CALM2: variants seen among roughly 807,000 people sequenced by gnomAD.
CALM2 encodes the protein calmodulin-2.
A neutral mutation model predicts 19.8 loss-of-function variants in CALM2; 2 were observed. The observed-to-expected ratio is 0.10, with a 90% CI of 0.04 to 0.32. CALM2 has a LOEUF of 0.32. CALM2 is among the 10% of genes least tolerant of loss of function. The pLI, the probability that CALM2 is intolerant of heterozygous loss-of-function variation, is 1.00. For synonymous variants in CALM2, 51 were observed against 52.1 expected, an observed-to-expected ratio of 0.98 and a Z score of 0.09; for missense variants, 38 against 178.7, an observed-to-expected ratio of 0.21 and a Z score of 4.49.
intron 1 of CALM2, chr2:47,172,422 G>A (rs551625913): frequency 1.6e-5 from 12 of 746,144 alleles, no homozygotes; most frequent in Admixed American, 2.3e-5. Flanking sequence ...ACCTTGCAGG[G>A]TTGTTGTGCA....
intron 1 of CALM2, chr2:47,172,322 C>G: frequency 2.4e-6 from 1 of 425,324 alleles, no homozygotes; most frequent in Non-Finnish European, 4.8e-6. Context: ...GGCCAGTATC[C>G]CAGCCCTGCC....
rs912378943 is a variant in CALM2, at chr2:47,160,428, C to T, written c.*348G>A. On this transcript the variant is annotated 3_prime_UTR_variant, in exon 6 of 6. Coordinates refer to ENST00000272298, the MANE Select transcript of CALM2 (RefSeq NM_001743.6). ...GTCCACGCAGAGTTACAACTCCACA[C>T]TTCAACAACAACATGCTGACAGTTC... is the stretch of plus-strand genomic sequence containing the variant. The T allele has an allele frequency of 2.1e-5, 4 of 190,424 alleles. No homozygotes were observed. In the Admixed American group the frequency reaches 2.4e-4, roughly 12 times the overall value. 11.8% of individuals were successfully genotyped at this position (190,424 alleles called of 1,614,324 possible).
intron 1 of CALM2, among the ~76,000 whole-genome samples, chr2:47,175,081 G>GTTTTTTT (rs563702873): frequency 0.62 from 47,986 of 77,422 alleles, 15,633 homozygotes; most frequent in Middle Eastern, 0.81. Context: ...CTCATTAGGT[G>GTTTTTTT]TTTTTTTTTT....
intron 1 of CALM2, chr2:47,172,378 CA>C: frequency 1.8e-6 from 1 of 549,750 alleles, no homozygotes; most frequent in Non-Finnish European, 3.3e-6. Flanking sequence ...TCCTCTCAGT[CA>C]ACTTCATTTG....
At chr2:47,172,341 G>A (rs1666697914) in intron 1 of CALM2, 1 of 452,028 alleles carries the variant, frequency 2.2e-6, no homozygotes, top group Non-Finnish European at 4.5e-6. Context: ...CCATTTAATA[G>A]CTGTGTGACC....
At chr2:47,174,420 T>C (rs968583942) in intron 1 of CALM2, among the ~76,000 whole-genome samples, 2 of 152,024 alleles carry the variant, frequency 1.3e-5, no homozygotes, top group Non-Finnish European at 2.9e-5. Context: ...GTCCGGCTAA[T>C]TTTTTTTAAT....
In CALM2 at chr2:47,161,706, G is replaced by A. The variant is rs576033867; in HGVS notation, c.421+17C>T. 1.2e-6 allele frequency: 2 copies of A among 1,603,376 alleles called. No individual in the cohort carries two copies. Among genetic ancestry groups the A allele is most frequent in the Admixed American group, 3.4e-5 (2 of 58,544 alleles). ...AAAATCAAAGTGAAGAATGAGGCGT[G>A]AGACTGAAACATTTACCTTCATAGT... is the stretch of plus-strand genomic sequence containing the variant. On this transcript the variant is annotated intron_variant, in intron 5 of 5. Coordinates refer to ENST00000272298, the MANE Select transcript of CALM2 (RefSeq NM_001743.6).
intron 5 of CALM2, 36 bp downstream of exon 5, chr2:47,161,687 A>C (rs1396493824): frequency 6.3e-7 from 1 of 1,578,840 alleles, no homozygotes; most frequent in South Asian, 1.2e-5. Context: ...CTTAAAAATC[A>C]AAGTGAAGAA....
At chr2:47,161,918 A>T in intron 4 of CALM2, 60 bp from the exon 5 acceptor site, 1 of 1,401,604 alleles carries the variant, frequency 7.1e-7, no homozygotes, top group Non-Finnish European at 9.9e-7. Context: ...TTGGAATGGA[A>T]ATTTATTAAG....
At chr2:47,175,634 G>A (rs1032543915) in intron 1 of CALM2, among the ~76,000 whole-genome samples, 10 of 151,766 alleles carry the variant, frequency 6.6e-5, no homozygotes, top group Non-Finnish European at 1.2e-4. Context: ...CCCAGATGGA[G>A]AAGGAAGATT....
intron 2 of CALM2, among the ~76,000 whole-genome samples, chr2:47,165,491 G>A (rs115007173): frequency 6.6e-6 from 1 of 152,116 alleles, no homozygotes; most frequent in South Asian, 2.1e-4. Context: ...TCAAGATAAA[G>A]ACTATCTCAT....
At chr2:47,175,953 G>A (rs1666850412) in intron 1 of CALM2, among the ~76,000 whole-genome samples, 1 of 151,756 alleles carries the variant, frequency 6.6e-6, no homozygotes, top group East Asian at 1.9e-4. Context: ...CTCGCCCCAG[G>A]GCCCCGCGCG....
intron 2 of CALM2, among the ~76,000 whole-genome samples, chr2:47,165,685 C>A (rs1666443113): frequency 6.6e-6 from 1 of 152,174 alleles, no homozygotes; most frequent in Non-Finnish European, 1.5e-5. Flanking sequence ...TACCCACTTA[C>A]AACGAAGATA....
At chr2:47,168,027 A>G (rs1016886019) in intron 2 of CALM2, among the ~76,000 whole-genome samples, 3 of 152,080 alleles carry the variant, frequency 2.0e-5, no homozygotes, top group Admixed American at 1.3e-4. Context: ...CTTGGAGAGT[A>G]GGCAGAAATC....
chr2:47,168,870 C>G (rs980716135), intron 2 of CALM2, among the ~76,000 whole-genome samples: 10 of 152,062 alleles, frequency 6.6e-5, no homozygotes, highest in African/African-American at 2.4e-4. Flanking sequence ...CTCTGCCTCC[C>G]AGGTTCAAGT....
At chr2:47,170,092 T>C (rs951778536) in intron 2 of CALM2, among the ~76,000 whole-genome samples, 4 of 152,160 alleles carry the variant, frequency 2.6e-5, no homozygotes, top group African/African-American at 9.7e-5. Flanking sequence ...AAAGAGAACA[T>C]GACATCAGGT....
intron 1 of CALM2, among the ~76,000 whole-genome samples, chr2:47,175,189 G>A (rs1017365978): frequency 6.8e-6 from 1 of 146,140 alleles, no homozygotes; most frequent in African/African-American, 2.6e-5. Flanking sequence ...TTCCATCACA[G>A]TATTTGACAG....
At chr2:47,167,966 C>T (rs1666542732) in intron 2 of CALM2, among the ~76,000 whole-genome samples, 1 of 151,398 alleles carries the variant, frequency 6.6e-6, no homozygotes, top group African/African-American at 2.4e-5. Flanking sequence ...TAAAAAATTG[C>T]CTTCATCTCA....
At chr2:47,176,698 GA>G (rs1666886213), upstream of CALM2, 3 of 1,416,462 alleles carry the variant, frequency 2.1e-6, no homozygotes, top group African/African-American at 4.3e-5. Flanking sequence ...TGGGCGAACG[GA>G]TGACGTAAGT....
Sources: gnomAD v4.1 joint callset for allele counts (sites outside exome capture counted in the v4.1 genomes callset) on GRCh38, gnomAD v4.1.1 for gene constraint, MANE v1.5 for transcripts, NCBI Gene and HGNC (gene_info 2026-07-23, HGNC 2026-07-21) for gene names.